CDH3: variants seen among roughly 807,000 people sequenced by gnomAD.
CDH3 encodes the protein cadherin-3.
Under a neutral mutation model 82.0 loss-of-function variants are expected in CDH3, and 54 were observed. The ratio of observed to expected loss-of-function variants is 0.66; its 90% CI spans 0.53 to 0.83. CDH3 has a LOEUF of 0.83. Ranked by LOEUF, CDH3 falls within the 40% of genes least tolerant of loss-of-function variation. The pLI is 0.00. For missense variants in CDH3, 1,054 were observed against 1,084.6 expected, an observed-to-expected ratio of 0.97 and a Z score of 0.40; for synonymous variants, 446 against 437.9, an observed-to-expected ratio of 1.02 and a Z score of -0.23.
intron 2 of CDH3, among the ~76,000 whole-genome samples, chr16:68,668,111 G>A (rs996484674): frequency 5.3e-5 from 8 of 152,192 alleles, no homozygotes; most frequent in African/African-American, 1.9e-4. Context: ...ATCCTTGTGG[G>A]AGAAACTGAG....
At chr16:68,682,541 A>T in intron 9 of CDH3, 54 bp downstream of exon 9, 2 of 1,549,526 alleles carry the variant, frequency 1.3e-6, no homozygotes, top group Non-Finnish European at 1.8e-6. Flanking sequence ...TCAGGTCTGC[A>T]GCCTTCAGGA....
chr16:68,726,135 G>T (rs2152111776), intron 2 of CDH3, among the ~76,000 whole-genome samples: 1 of 152,326 alleles, frequency 6.6e-6, no homozygotes, highest in East Asian at 1.9e-4. Context: ...ACTGTGCCAG[G>T]ATGGTCTTAA....
At chr16:68,708,864 A>G (rs1468981280) in intron 1 of CDH3, among the ~76,000 whole-genome samples, 2 of 152,024 alleles carry the variant, frequency 1.3e-5, no homozygotes, top group Admixed American at 1.3e-4. Context: ...GCTGATCTCA[A>G]TCTCCTGACC....
At chr16:68,661,338 T>C (rs1960572566) in intron 2 of CDH3, among the ~76,000 whole-genome samples, 1 of 152,208 alleles carries the variant, frequency 6.6e-6, no homozygotes, top group African/African-American at 2.4e-5. Context: ...GGCAAGTTAC[T>C]TAACCTCTGT....
chr16:68,647,312 G>T (rs1377979905), intron 2 of CDH3, among the ~76,000 whole-genome samples: 1 of 134,382 alleles, frequency 7.4e-6, no homozygotes, highest in Non-Finnish European at 1.5e-5. Flanking sequence ...ATAGGCTATA[G>T]CCTTGAGTGT....
chr16:68,714,526 C>T (rs1256262674), intron 1 of CDH3, among the ~76,000 whole-genome samples: 1 of 152,176 alleles, frequency 6.6e-6, no homozygotes, highest in Non-Finnish European at 1.5e-5. Context: ...TAGTATTCCT[C>T]CCCTAGAGTT....
At chr16:68,726,228 G>A (rs778511929) in intron 2 of CDH3, among the ~76,000 whole-genome samples, 49 of 152,170 alleles carry the variant, frequency 3.2e-4, no homozygotes, top group Non-Finnish European at 6.3e-4. Flanking sequence ...TGGGAAATGG[G>A]GATGATTGTG....
intron 15 of CDH3, among the ~76,000 whole-genome samples, chr16:68,697,866 C>T (rs949048578): frequency 1.7e-4 from 26 of 152,134 alleles, no homozygotes; most frequent in African/African-American, 5.8e-4. Context: ...AAGAAAAAAA[C>T]TATTGTCATT....
chr16:68,685,236 C>T lies in CDH3; in HGVS notation c.1456C>T (p.Leu486=). 1 of 1,614,178 alleles carries T rather than the reference C, an allele frequency of 6.2e-7. No individual in the cohort carries two copies. Among genetic ancestry groups the T allele is most frequent in the Non-Finnish European group, 8.5e-7 (1 of 1,180,034 alleles). ...YRILRDPAGW[L]AMDPDSGQVT... is the part of the protein sequence containing the mutation. ...CATCCTGAGAGACCCAGCAGGGTGGCTAGCCATGGACCCAGACAGTGGGCA... is the reference window on the plus strand; with the variant it reads ...CATCCTGAGAGACCCAGCAGGGTGGTTAGCCATGGACCCAGACAGTGGGCA... Residue 486 remains leucine, a synonymous_variant, in exon 11 of 16, where the codon CTA becomes TTA. Transcript: ENST00000264012.
In CDH3 at chr16:68,687,613, C is replaced by G; in HGVS notation, c.1672C>G (p.Gln558Glu). The G allele has an allele frequency of 1.9e-6, 3 of 1,614,162 alleles. No homozygotes were observed. Among genetic ancestry groups the G allele is most frequent in the South Asian group, 2.2e-5 (2 of 91,076 alleles). The change falls in exon 12 of 16, where the codon CAA (glutamine) becomes GAA (glutamate). Residue 558 changes from glutamine to glutamate, a missense_variant. Transcript: ENST00000264012. ...PEPRQITICNQSPVRQVLNIT... is the reference protein window; with the variant it reads ...PEPRQITICNESPVRQVLNIT... ...GCCCCGTCAGATCACCATCTGCAAC[C>G]AAAGCCCTGTGCGCCAGGTGCTGAA... is the stretch of plus-strand genomic sequence containing the variant.
At chr16:68,651,427 T>G in intron 2 of CDH3, 1 of 545,244 alleles carries the variant, frequency 1.8e-6, no homozygotes, top group Non-Finnish European at 3.7e-6. Flanking sequence ...CCCGACTGGC[T>G]TGCACATTTG....
At chr16:68,727,609 C>G (rs1962232538), downstream of CDH3, among the ~76,000 whole-genome samples, 1 of 151,998 alleles carries the variant, frequency 6.6e-6, no homozygotes, top group Non-Finnish European at 1.5e-5. Context: ...GTCCTCATCT[C>G]TAATAAAAAA....
chr16:68,686,768 T>G, intron 11 of CDH3: 2 of 615,824 alleles, frequency 3.2e-6, no homozygotes, highest in South Asian at 3.5e-5. Flanking sequence ...GTAAATAATT[T>G]CCATATTTCT....
At chr16:68,731,689 T>C (rs1962295508), downstream of CDH3, among the ~76,000 whole-genome samples, 1 of 150,972 alleles carries the variant, frequency 6.6e-6, no homozygotes, top group Non-Finnish European at 1.5e-5. Flanking sequence ...ATACAAAAAT[T>C]AACCTGGTGT....
At chr16:68,646,820 C>G (rs1488981938) in intron 2 of CDH3, among the ~76,000 whole-genome samples, 1 of 152,118 alleles carries the variant, frequency 6.6e-6, no homozygotes, top group Non-Finnish European at 1.5e-5. Context: ...CCCTTGCTAC[C>G]TAGCATTCTT....
At chr16:68,733,601 A>G in the CDH3 span, among the ~76,000 whole-genome samples, 131,600 of 152,172 alleles carry the variant, frequency 0.86, 57,068 homozygotes, top group Non-Finnish European at 0.89. Context: ...AATTAGCCAG[A>G]CATGGTGACG....
intron 1 of CDH3, among the ~76,000 whole-genome samples, chr16:68,715,319 C>T (rs1445683480): frequency 2.0e-5 from 3 of 150,420 alleles, no homozygotes; most frequent in Non-Finnish European, 4.4e-5. Flanking sequence ...CCCAGCTACT[C>T]GGGAGGCTGA....
chr16:68,733,107 C>T, the CDH3 span, among the ~76,000 whole-genome samples: 10 of 152,190 alleles, frequency 6.6e-5, no homozygotes, highest in African/African-American at 2.2e-4. Context: ...ATCAACATTC[C>T]CATTTTACAG....
intron 3 of CDH3, among the ~76,000 whole-genome samples, chr16:68,677,475 C>A (rs564454074): frequency 1.3e-5 from 2 of 152,208 alleles, no homozygotes; most frequent in Non-Finnish European, 2.9e-5. Context: ...CGGTGGCTCA[C>A]GCGTGTAATC....
Sources: allele counts gnomAD v4.1 joint callset (sites outside exome capture counted in the v4.1 genomes callset), GRCh38; gene constraint gnomAD v4.1.1; transcripts MANE v1.5; gene names NCBI Gene and HGNC (gene_info 2026-07-23, HGNC 2026-07-21).